Variants in NUDT19 observed in about 807,000 individuals in gnomAD.
NUDT19 encodes the protein nudix hydrolase 19.
A neutral mutation model predicts 22.2 loss-of-function variants in NUDT19; 31 were observed. That is an observed-to-expected ratio of 1.40 (90% CI 1.05 to 1.89). The LOEUF (loss-of-function observed/expected upper bound fraction) is 1.89. Among genes scored for constraint, NUDT19 ranks in the 40% most tolerant of loss-of-function variants. The probability of loss-of-function intolerance (pLI) is 0.00; values close to 1 mark genes in which losing one functional copy is unlikely to be tolerated. For missense variants in NUDT19, 752 were observed against 514.2 expected, an observed-to-expected ratio of 1.46 and a Z score of -4.47; for synonymous variants, 325 against 230.8, an observed-to-expected ratio of 1.41 and a Z score of -3.70.
At chr19:32,697,119 C>A (rs757633482) in intron 1 of NUDT19, among the ~76,000 whole-genome samples, 20 of 152,142 alleles carry the variant, frequency 1.3e-4, no homozygotes, top group Non-Finnish European at 1.5e-5. Context: ...GGTGATTGGC[C>A]TGCTCCATTC....
chr19:32,703,648 C>CTTTTTTTTTTTT (rs60766132), intron 1 of NUDT19, among the ~76,000 whole-genome samples: 4 of 68,344 alleles, frequency 5.9e-5, no homozygotes, highest in Non-Finnish European at 8.2e-5. Flanking sequence ...TGTGCCCAGC[C>CTTTTTTTTTTTT]TTTTTTTTTT....
intron 1 of NUDT19, among the ~76,000 whole-genome samples, chr19:32,697,414 C>T (rs962078989): frequency 6.6e-6 from 1 of 152,146 alleles, no homozygotes; most frequent in Non-Finnish European, 1.5e-5. Context: ...TTCTTAAGGC[C>T]TCCCGTAGCT....
chr19:32,692,950 C>G (rs1017359889), intron 1 of NUDT19, among the ~76,000 whole-genome samples: 3 of 152,262 alleles, frequency 2.0e-5, no homozygotes, highest in Admixed American at 1.3e-4. Context: ...AGCACTTGTA[C>G]ATGTGTAGAC....
intron 1 of NUDT19, among the ~76,000 whole-genome samples, chr19:32,696,964 G>A (rs1470623203): frequency 2.0e-5 from 3 of 152,170 alleles, no homozygotes; most frequent in African/African-American, 7.2e-5. Flanking sequence ...TTCTGTCCCA[G>A]AGAACCTTTG....
chr19:32,701,477 C>T (rs777290812), intron 1 of NUDT19, among the ~76,000 whole-genome samples: 35 of 152,096 alleles, frequency 2.3e-4, no homozygotes, highest in African/African-American at 3.1e-4. Context: ...GGATTACAGG[C>T]GTGAGCCACT....
At position 32,709,388 on chromosome 19, in the gene NUDT19, A is replaced by G; in HGVS notation, c.918A>G (p.Leu306=). ...LLTADGMVHL[L]PGDELYLEDS... ...CTGCTGATGGGATGGTCCATCTTTT[A>G]CCAGGTAAACCAGTGAAGCATCGGT... Residue 306 remains leucine, a synonymous_variant, in exon 2 of 3, where the codon TTA becomes TTG. Transcript: ENST00000397061. 6.2e-7 allele frequency: 1 copy of G among 1,613,368 alleles called. No individual in the cohort carries two copies. The highest frequency in any genetic ancestry group is 8.5e-7 in the Non-Finnish European group (1 of 1,179,282).
chr19:32,696,399 C>T (rs1319878925), intron 1 of NUDT19, among the ~76,000 whole-genome samples: 1 of 149,836 alleles, frequency 6.7e-6, no homozygotes, highest in Non-Finnish European at 1.5e-5. Flanking sequence ...CTTAGGTATG[C>T]CACTGGTTGT....
At chr19:32,708,607 T>G (rs904297020) in intron 1 of NUDT19, among the ~76,000 whole-genome samples, 2 of 152,170 alleles carry the variant, frequency 1.3e-5, no homozygotes, top group Non-Finnish European at 2.9e-5. Context: ...CTCTCTTGAC[T>G]GTAGGCTGAG....
intron 1 of NUDT19, among the ~76,000 whole-genome samples, chr19:32,698,663 G>C (rs1968295654): frequency 6.6e-6 from 1 of 152,168 alleles, no homozygotes; most frequent in African/African-American, 2.4e-5. Context: ...TGTGCTCACT[G>C]ACACAGCAGC....
At position 32,709,989 on chromosome 19, in the gene NUDT19, G is replaced by A. The variant is rs1027400614; in HGVS notation, c.922+597G>A. Among the ~76,000 whole-genome samples, 3 of 151,450 alleles carry A rather than the reference G, an allele frequency of 2.0e-5. No homozygotes were observed. In the South Asian group the frequency reaches 6.3e-4, roughly 32 times the overall value. On this transcript the variant is annotated intron_variant, in intron 2 of 2. Coordinates refer to ENST00000397061, the MANE Select transcript of NUDT19 (RefSeq NM_001105570.2). The stretch of plus-strand genomic sequence containing the variant: ...TTTTTGCATTTTAAGTTTGAATTAC[G>A]AGAACTCGTAAGTTGTCATCTAATT...
chr19:32,695,310 G>C (rs1968249971), intron 1 of NUDT19, among the ~76,000 whole-genome samples: 1 of 152,094 alleles, frequency 6.6e-6, no homozygotes, highest in Admixed American at 6.5e-5. Flanking sequence ...CTCTGGAGTA[G>C]CTGGAATTAC....
At chr19:32,708,647 G>A (rs1375231246) in intron 1 of NUDT19, among the ~76,000 whole-genome samples, 1 of 152,144 alleles carries the variant, frequency 6.6e-6, no homozygotes, top group African/African-American at 2.4e-5. Context: ...GAAAGCTGCT[G>A]TTGCTCCTGA....
rs767914984 is a variant in NUDT19 at position 32,692,624 on chromosome 19, C to T, written c.664C>T (p.Arg222Cys). The T allele has an allele frequency of 6.5e-6, 10 of 1,534,472 alleles. No homozygotes were observed. In the African/African-American group the frequency reaches 7.1e-5, roughly 11 times the overall value. ...CACGGCCTTCTTCCTGTGCTGCCTG[C>T]GCGAGCCGCCGCCCGTCTACCCCGA... ...FDTAFFLCCL[R>C]EPPPVYPDLA... Residue 222 changes from arginine to cysteine, a missense_variant, in exon 1 of 3, where the codon CGC (arginine) becomes TGC (cysteine). Arg to Cys is a radical substitution (Grantham distance 180). Coordinates refer to ENST00000397061, the MANE Select transcript of NUDT19 (RefSeq NM_001105570.2).
At chr19:32,710,356 A>G (rs1968432943) in intron 2 of NUDT19, among the ~76,000 whole-genome samples, 2 of 150,954 alleles carry the variant, frequency 1.3e-5, no homozygotes, top group South Asian at 2.1e-4. Flanking sequence ...TTCAATTGAA[A>G]TTATGAATTA....
chr19:32,694,322 C>T (rs1472728365), intron 1 of NUDT19, among the ~76,000 whole-genome samples: 1 of 152,190 alleles, frequency 6.6e-6, no homozygotes, highest in African/African-American at 2.4e-5. Flanking sequence ...AACACTCTTC[C>T]CCTAAGGTGC....
In NUDT19 at chr19:32,692,194, C is replaced by T. The variant is rs536432933; in HGVS notation, c.234C>T (p.Gly78=). The change falls in exon 1 of 3, where the codon GGC becomes GGT. Residue 78 remains glycine (G), a synonymous_variant. Coordinates refer to ENST00000397061, the MANE Select transcript of NUDT19 (RefSeq NM_001105570.2). ...CCGACCGCTCGGCGGACTGGCTGGG[C>T]CTCTTCGCGCCGCACCACGGGCCGC... ...DAADRSADWL[G]LFAPHHGPPR... 4 of 1,565,936 alleles carry T rather than the reference C, an allele frequency of 2.6e-6. No individual in the cohort carries two copies. The highest frequency in any genetic ancestry group is 1.8e-5 in the Admixed American group (1 of 55,986).
At chr19:32,694,920 T>C (rs184304278) in intron 1 of NUDT19, among the ~76,000 whole-genome samples, 1 of 152,356 alleles carries the variant, frequency 6.6e-6, no homozygotes, top group East Asian at 1.9e-4. Context: ...GTACCCATTG[T>C]GTCTTTTTCC....
chr19:32,711,792 TC>T lies in NUDT19; in HGVS notation c.964del (p.Met323CysfsTer11), dbSNP rs1456357372. 4 of 1,613,564 alleles carry T rather than the reference TC, an allele frequency of 2.5e-6. No individual in the cohort carries two copies. In the South Asian group the frequency reaches 4.4e-5, roughly 18 times the overall value. On this transcript the variant is annotated frameshift_variant, in exon 3 of 3. Transcript: ENST00000397061. LOFTEE classifies it low-confidence loss of function (END_TRUNC). ...TAGAAGATTCAGACTTTTTGGAAAA[TC>T]TTATGTCTACTGAAAAAAAGACTGA... ...YLEDSDFLENLMSTEKKTEEI... is the reference protein window; with the variant it reads ...YLEDSDFLENXMSTEKKTEEI...
chr19:32,711,411 C>T (rs1289621081), intron 2 of NUDT19, among the ~76,000 whole-genome samples: 11 of 151,780 alleles, frequency 7.2e-5, no homozygotes, highest in East Asian at 5.8e-4. Flanking sequence ...TGCAATGAGC[C>T]GAGATCGCGC....
Sources: allele counts gnomAD v4.1 joint callset (sites outside exome capture counted in the v4.1 genomes callset), GRCh38; gene constraint gnomAD v4.1.1; transcripts MANE v1.5; gene names NCBI Gene and HGNC (gene_info 2026-07-23, HGNC 2026-07-21).